The following OPCML variants were observed in gnomAD, a reference collection of about 807,000 sequenced individuals.
OPCML encodes the protein opioid-binding protein/cell adhesion molecule.
A neutral mutation model predicts 37.8 loss-of-function variants in OPCML; 13 were observed. The observed-to-expected ratio is 0.34, with a 90% CI of 0.22 to 0.55. OPCML has a LOEUF of 0.55. OPCML is among the 20% of genes least tolerant of loss of function. OPCML has a pLI of 0.91. For missense variants in OPCML, 341 were observed against 435.6 expected (o/e 0.78, Z 1.93); for synonymous variants, 176 against 168.8 (o/e 1.04, Z -0.33).
At chr11:133,484,030 T>TTAGATAGATAGA (rs71038531) in intron 1 of OPCML, among the ~76,000 whole-genome samples, 2 of 134,816 alleles carry the variant, frequency 1.5e-5, no homozygotes, top group Non-Finnish European at 3.1e-5. Context: ...GATGGACAGA[T>TTAGATAGATAGA]TAGATAGATA....
At chr11:133,092,793 T>C (rs1948928533) in intron 1 of OPCML, among the ~76,000 whole-genome samples, 1 of 151,988 alleles carries the variant, frequency 6.6e-6, no homozygotes, top group African/African-American at 2.4e-5. Flanking sequence ...AGAAGGTTGG[T>C]ACATCTTTAT....
intron 2 of OPCML, among the ~76,000 whole-genome samples, chr11:132,696,140 CCA>C (rs1260507857): frequency 6.6e-6 from 1 of 152,056 alleles, no homozygotes; most frequent in African/African-American, 2.4e-5. Context: ...GGAATTTGCC[CCA>C]GTTTAGCATT....
rs139042912 is a variant in OPCML, at chr11:133,044,812, C to T, written c.62-101802G>A. On this transcript the variant is annotated intron_variant, in intron 1 of 7. Transcript: ENST00000524381. ...GTTCCGTACAGGGGAGCATACAGAACGAGACTCTACAGTTCAAAAGAACTG... is the reference window on the plus strand; with the variant it reads ...GTTCCGTACAGGGGAGCATACAGAATGAGACTCTACAGTTCAAAAGAACTG... 1.2e-4 allele frequency among the ~76,000 whole-genome samples: 18 copies of T among 152,126 alleles called. No homozygotes were observed. In the East Asian group the frequency reaches 2.7e-3, roughly 23 times the overall value.
At chr11:133,152,084 T>C (rs907274164) in intron 1 of OPCML, among the ~76,000 whole-genome samples, 1 of 152,192 alleles carries the variant, frequency 6.6e-6, no homozygotes, top group Non-Finnish European at 1.5e-5. Context: ...TTATCCCCCA[T>C]GTATTGTTTC....
At chr11:133,346,616 T>G (rs147082476) in intron 1 of OPCML, among the ~76,000 whole-genome samples, 2 of 152,300 alleles carry the variant, frequency 1.3e-5, no homozygotes, top group African/African-American at 4.8e-5. Flanking sequence ...CAGCATAGAT[T>G]AGACAGGCAC....
rs138820962 is a variant in OPCML, at chr11:132,646,141, T to C, written c.379+10946A>G. 9.4e-3 allele frequency among the ~76,000 whole-genome samples: 1,435 copies of C among 152,122 alleles called. 17 individuals carry two copies. The highest frequency in any genetic ancestry group is 0.031 in the African/African-American group (1,301 of 41,494). Reference sequence around the variant, plus strand: ...TTGGGCTCAGTATATACTGCTCAGGTGATGGGTGCACCAAAATCTCACAGC... The same window carrying C: ...TTGGGCTCAGTATATACTGCTCAGGCGATGGGTGCACCAAAATCTCACAGC... On this transcript the variant is annotated intron_variant, in intron 3 of 7. Coordinates refer to ENST00000524381, the MANE Select transcript of OPCML (RefSeq NM_001012393.5).
intron 3 of OPCML, among the ~76,000 whole-genome samples, chr11:132,639,912 A>G (rs1940746769): frequency 6.6e-6 from 1 of 152,220 alleles, no homozygotes; most frequent in East Asian, 1.9e-4. Flanking sequence ...GGGAGCATTT[A>G]CTCACTAGAG....
rs75355958 is a variant in OPCML, at chr11:133,175,793, G to A, written c.62-232783C>T. 5.5e-3 allele frequency among the ~76,000 whole-genome samples: 842 copies of A among 152,130 alleles called. 8 individuals carry two copies. Among genetic ancestry groups the A allele is most frequent in the African/African-American group, 0.018 (732 of 41,486 alleles). On this transcript the variant is annotated intron_variant, in intron 1 of 7. Transcript: ENST00000524381. ...AGTCTAAATTCTATCTCCCTTCGCA[G>A]CTGAGTGCTGTGAACCTCAGTGAAA...
chr11:132,975,711 C>T (rs567277919), intron 1 of OPCML, among the ~76,000 whole-genome samples: 66 of 152,042 alleles, frequency 4.3e-4, no homozygotes, highest in Non-Finnish European at 8.4e-4. Context: ...TTGCACTCTG[C>T]ATCCCCTATG....
intron 1 of OPCML, among the ~76,000 whole-genome samples, chr11:133,143,581 T>G (rs966757480): frequency 2.5e-4 from 38 of 152,164 alleles, no homozygotes; most frequent in Middle Eastern, 3.2e-3. Context: ...ACGAGAACAC[T>G]TAGGATCTTT....
chr11:133,379,263 A>C (rs1454124656), intron 1 of OPCML, among the ~76,000 whole-genome samples: 4 of 152,090 alleles, frequency 2.6e-5, no homozygotes, highest in Non-Finnish European at 5.9e-5. Flanking sequence ...AAATGTCCTC[A>C]CTTCTCCCTG....
chr11:132,435,058 T>C, intron 7 of OPCML: 2 of 585,698 alleles, frequency 3.4e-6, no homozygotes, highest in Non-Finnish European at 5.8e-6. Context: ...GAGACATAAA[T>C]TACAGAGGTG....
chr11:132,508,967 A>T (rs2096263197), intron 4 of OPCML, among the ~76,000 whole-genome samples: 1 of 152,194 alleles, frequency 6.6e-6, no homozygotes, highest in African/African-American at 2.4e-5. Context: ...GAGGTCTCAG[A>T]AGAAGACAGG....
chr11:132,718,766 T>TAC (rs1944578853), intron 2 of OPCML, among the ~76,000 whole-genome samples: 1 of 152,154 alleles, frequency 6.6e-6, no homozygotes. Flanking sequence ...CCCGTGTTCC[T>TAC]ACTCCAGCCC....
chr11:132,963,751 ATATTAT>A (rs59566577), intron 1 of OPCML, among the ~76,000 whole-genome samples: 39,539 of 151,248 alleles, frequency 0.26, 6,118 homozygotes, highest in Admixed American at 0.4. Context: ...CCGTATTACG[ATATTAT>A]TATTATTATT....
chr11:133,060,673 T>C (rs1948325622), intron 1 of OPCML, among the ~76,000 whole-genome samples: 1 of 152,176 alleles, frequency 6.6e-6, no homozygotes, highest in Non-Finnish European at 1.5e-5. Flanking sequence ...GGAAGGCAGG[T>C]GCCTCATTCA....
intron 1 of OPCML, among the ~76,000 whole-genome samples, chr11:133,286,847 C>A (rs1333501270): frequency 6.6e-6 from 1 of 152,164 alleles, no homozygotes; most frequent in East Asian, 1.9e-4. Context: ...ATGAACCGGT[C>A]AATCATTATT....
chr11:132,673,276 C>A (rs1361758783), intron 2 of OPCML, among the ~76,000 whole-genome samples: 1 of 151,970 alleles, frequency 6.6e-6, no homozygotes, highest in Non-Finnish European at 1.5e-5. Context: ...CAAAACCAAA[C>A]CAAACATAAA....
intron 1 of OPCML, among the ~76,000 whole-genome samples, chr11:133,465,257 C>T (rs1471286246): frequency 2.0e-5 from 3 of 152,154 alleles, no homozygotes; most frequent in Non-Finnish European, 4.4e-5. Context: ...GTTCACAGGT[C>T]CTCCTGGTGA....
Sources: gnomAD v4.1 joint callset for allele counts (sites outside exome capture counted in the v4.1 genomes callset) on GRCh38, gnomAD v4.1.1 for gene constraint, MANE v1.5 for transcripts, NCBI Gene and HGNC (gene_info 2026-07-23, HGNC 2026-07-21) for gene names.